Variants in JAZF1 observed in about 807,000 individuals in gnomAD.
JAZF1 encodes the protein JAZF zinc finger 1.
In JAZF1, 8 loss-of-function variants were observed where a neutral mutation model predicts 26.4. That is an observed-to-expected ratio of 0.30 (90% CI 0.18 to 0.55). The LOEUF is 0.55. Among genes scored for constraint, JAZF1 ranks in the 20% least tolerant of loss-of-function variants. The pLI, the probability that JAZF1 is intolerant of heterozygous loss-of-function variation, is 0.94. For synonymous variants in JAZF1, 126 were observed against 122.3 expected, an observed-to-expected ratio of 1.03 and a Z score of -0.20; for missense variants, 199 against 322.0, an observed-to-expected ratio of 0.62 and a Z score of 2.92.
At chr7:27,958,839 T>C (rs1223018594) in intron 2 of JAZF1, among the ~76,000 whole-genome samples, 1 of 152,040 alleles carries the variant, frequency 6.6e-6, no homozygotes, top group Non-Finnish European at 1.5e-5. Flanking sequence ...GAAGAATGGA[T>C]GACAATGGGG....
At chr7:28,037,920 C>A (rs1475303361) in intron 1 of JAZF1, among the ~76,000 whole-genome samples, 1 of 152,212 alleles carries the variant, frequency 6.6e-6, no homozygotes, top group South Asian at 2.1e-4. Flanking sequence ...ACGTCAAACT[C>A]ACTTTTCTCT....
intron 2 of JAZF1, among the ~76,000 whole-genome samples, chr7:27,944,321 A>T (rs1198393031): frequency 2.0e-5 from 3 of 152,254 alleles, no homozygotes; most frequent in Non-Finnish European, 4.4e-5. Context: ...CTGTGTCTAC[A>T]GCGCATAAGG....
intron 1 of JAZF1, among the ~76,000 whole-genome samples, chr7:28,093,798 C>G (rs530916804): frequency 2.6e-5 from 4 of 152,230 alleles, no homozygotes; most frequent in African/African-American, 9.6e-5. Flanking sequence ...TGTCCACTGT[C>G]TCTTTTCAAA....
intron 1 of JAZF1, among the ~76,000 whole-genome samples, chr7:28,035,612 T>C (rs1783279404): frequency 6.6e-6 from 1 of 152,134 alleles, no homozygotes; most frequent in South Asian, 2.1e-4. Context: ...GGTTCCTTGC[T>C]TTACTTTTGG....
intron 1 of JAZF1, among the ~76,000 whole-genome samples, chr7:27,995,943 C>T (rs902592970): frequency 6.6e-6 from 1 of 152,146 alleles, no homozygotes; most frequent in Non-Finnish European, 1.5e-5. Context: ...TCAGTAGGAA[C>T]TGGAACTGCA....
At chr7:27,992,245 T>C in intron 1 of JAZF1, 1 of 543,696 alleles carries the variant, frequency 1.8e-6, no homozygotes, top group Non-Finnish European at 3.6e-6. Flanking sequence ...ATCCCCCTTA[T>C]AAATATTGGT....
At chr7:27,907,186 C>T (rs770349900) in intron 2 of JAZF1, among the ~76,000 whole-genome samples, 8 of 152,216 alleles carry the variant, frequency 5.3e-5, no homozygotes, top group Non-Finnish European at 1.0e-4. Context: ...AAATTAATGA[C>T]TCCTTCTCAT....
At chr7:27,904,697 T>C (rs1460942528) in intron 2 of JAZF1, among the ~76,000 whole-genome samples, 1 of 151,872 alleles carries the variant, frequency 6.6e-6, no homozygotes, top group East Asian at 1.9e-4. Context: ...TAACATGCTA[T>C]TAAAATTCTA....
intron 3 of JAZF1, among the ~76,000 whole-genome samples, chr7:27,861,715 G>A (rs972570619): frequency 2.6e-5 from 4 of 152,022 alleles, no homozygotes; most frequent in Non-Finnish European, 5.9e-5. Context: ...CAAACCTTGA[G>A]GATCCTTGTC....
At chr7:27,971,925 T>C (rs1324903628) in intron 2 of JAZF1, among the ~76,000 whole-genome samples, 3 of 152,198 alleles carry the variant, frequency 2.0e-5, no homozygotes, top group African/African-American at 4.8e-5. Flanking sequence ...CAATGCAATA[T>C]ACACACATGT....
chr7:27,992,015 A>AT (rs1364020053), intron 1 of JAZF1, 34 bp from the exon 2 acceptor site: 1 of 1,327,144 alleles, frequency 7.5e-7, no homozygotes, highest in African/African-American at 1.4e-5. Flanking sequence ...TTTTTTTTAG[A>AT]TTTTGCATCA....
chr7:28,160,758 C>A (rs1783271855), intron 1 of JAZF1, among the ~76,000 whole-genome samples: 1 of 152,156 alleles, frequency 6.6e-6, no homozygotes, highest in Non-Finnish European at 1.5e-5. Context: ...GTACCTCATG[C>A]TGCATCAGGT....
intron 2 of JAZF1, among the ~76,000 whole-genome samples, chr7:27,932,691 C>CA (rs1784703645): frequency 6.6e-6 from 1 of 152,056 alleles, no homozygotes; most frequent in Non-Finnish European, 1.5e-5. Context: ...AGACAAAAAA[C>CA]AAAGTCTTTC....
At chr7:28,143,062 TGAGA>T (rs1159175135) in intron 1 of JAZF1, among the ~76,000 whole-genome samples, 1 of 152,228 alleles carries the variant, frequency 6.6e-6, no homozygotes, top group East Asian at 1.9e-4. Flanking sequence ...CTGCAGTCTC[TGAGA>T]GAGAGAATGA....
At chr7:27,850,649 C>CA (rs1783127671) in intron 3 of JAZF1, among the ~76,000 whole-genome samples, 1 of 152,222 alleles carries the variant, frequency 6.6e-6, no homozygotes, top group African/African-American at 2.4e-5. Context: ...AACACAGCTT[C>CA]AACTCTTGAC....
chr7:28,173,413 A>G (rs1471371306), intron 1 of JAZF1, among the ~76,000 whole-genome samples: 1 of 152,228 alleles, frequency 6.6e-6, no homozygotes, highest in Non-Finnish European at 1.5e-5. Flanking sequence ...ACACATAAAT[A>G]TATACACACA....
intron 3 of JAZF1, among the ~76,000 whole-genome samples, chr7:27,884,455 G>A (rs1339493075): frequency 6.6e-6 from 1 of 152,186 alleles, no homozygotes; most frequent in Non-Finnish European, 1.5e-5. Context: ...CTTGATAAAT[G>A]TATACATTTG....
In JAZF1 at chr7:27,905,824, T is replaced by C. The variant is rs2128343999; in HGVS notation, c.189-10408A>G. Among the ~76,000 whole-genome samples, 3 of 152,280 alleles carry C rather than the reference T, an allele frequency of 2.0e-5. 1 individual carries two copies. Among genetic ancestry groups the C allele is most frequent in the Non-Finnish European group, 4.4e-5 (3 of 68,014 alleles). ...AAATCCTTTCTTGAGAAAGGCTTTCTTGAGAAAGATTCTTCTTTATTCTGA... is the reference window on the plus strand; with the variant it reads ...AAATCCTTTCTTGAGAAAGGCTTTCCTGAGAAAGATTCTTCTTTATTCTGA... On this transcript the variant is annotated intron_variant, in intron 2 of 4. Coordinates refer to ENST00000283928, the MANE Select transcript of JAZF1 (RefSeq NM_175061.4).
intron 1 of JAZF1, among the ~76,000 whole-genome samples, chr7:28,101,165 CT>C (rs1204377916): frequency 6.6e-6 from 1 of 152,078 alleles, no homozygotes; most frequent in Non-Finnish European, 1.5e-5. Context: ...AGGTGGAACC[CT>C]TTTTTTATCC....
Sources: gnomAD v4.1 joint callset for allele counts (sites outside exome capture counted in the v4.1 genomes callset) on GRCh38, gnomAD v4.1.1 for gene constraint, MANE v1.5 for transcripts, NCBI Gene and HGNC (gene_info 2026-07-23, HGNC 2026-07-21) for gene names.